Variants in GOSR2 observed in about 807,000 individuals in gnomAD.
The protein encoded by GOSR2 is golgi SNAP receptor complex member 2.
GOSR2 carries 20 observed loss-of-function variants against 27.9 expected under a neutral mutation model. The observed-to-expected ratio is 0.72, with a 90% CI of 0.50 to 1.04. The LOEUF (loss-of-function observed/expected upper bound fraction) is 1.04, where lower values mean the gene tolerates loss of function less well. Ranked by LOEUF, GOSR2 falls within the 50% of genes least tolerant of loss-of-function variation. The probability of loss-of-function intolerance (pLI) is 0.00; values close to 1 mark genes in which losing one functional copy is unlikely to be tolerated. For synonymous variants in GOSR2, 91 were observed against 98.8 expected (o/e 0.92, Z 0.47); for missense variants, 261 against 270.5 (o/e 0.97, Z 0.25).
chr17:46,961,492 G>A (rs374862807), intron 6 of GOSR2, among the ~76,000 whole-genome samples: 1 of 152,090 alleles, frequency 6.6e-6, no homozygotes, highest in South Asian at 2.1e-4. Flanking sequence ...CTATGATCAC[G>A]CCATTGCACT....
chr17:46,932,284 G>A (rs754143118), intron 4 of GOSR2, 85 bp downstream of exon 4: 2 of 1,528,504 alleles, frequency 1.3e-6, no homozygotes, highest in Admixed American at 3.3e-5. Context: ...CATCTGTTTT[G>A]GGGGTGTCTG....
chr17:46,936,570 CAT>C, intron 5 of GOSR2: 1 of 985,492 alleles, frequency 1.0e-6, no homozygotes, highest in Non-Finnish European at 1.2e-6. Context: ...TCAAAAGGAA[CAT>C]AGGAGAGGGC....
chr17:46,935,492 T>G (rs2088163670), intron 5 of GOSR2: 1 of 1,350,858 alleles, frequency 7.4e-7, no homozygotes, highest in Admixed American at 3.3e-5. Flanking sequence ...TGTTACAGAA[T>G]CTACTCTTGG....
At chr17:46,931,302 C>T (rs1433753416) in intron 3 of GOSR2, 95 bp downstream of exon 3, 13 of 750,824 alleles carry the variant, frequency 1.7e-5, no homozygotes, top group Non-Finnish European at 2.7e-5. Flanking sequence ...TGAAAACCAA[C>T]GTACATGTTG....
chr17:46,940,088 A>T lies in GOSR2; in HGVS notation c.*1328A>T. On this transcript the variant is annotated 3_prime_UTR_variant, in exon 6 of 6. Coordinates refer to ENST00000640051, the MANE Select transcript of GOSR2 (RefSeq NM_004287.5). ...TGTTGCTTGAACTGTCTTCTGTCTT[A>T]TTTCCCTTCCTTTCTGTGTTCCTCT... 8.8e-7 allele frequency: 1 copy of T among 1,131,966 alleles called. No individual in the cohort carries two copies. The allele number at this position is 1,131,966 out of a possible 1,614,324, so 70.1% of individuals were successfully genotyped here. A position where few individuals can be genotyped will look rare whatever the true frequency, so the allele number is the denominator to read the frequency against.
At chr17:46,930,286 A>G (rs938609993) in intron 2 of GOSR2, 2 of 152,356 alleles carry the variant, frequency 1.3e-5, no homozygotes, top group Non-Finnish European at 2.9e-5. Context: ...AGGAAGGGGC[A>G]GTGTCACTGC....
At chr17:46,932,272 G>T in intron 4 of GOSR2, 73 bp downstream of exon 4, 1 of 1,572,254 alleles carries the variant, frequency 6.4e-7, no homozygotes. Context: ...ATCTCTGAGC[G>T]CCATCTGTTT....
At chr17:46,974,297 C>A (rs993390123) in intron 6 of GOSR2, among the ~76,000 whole-genome samples, 3 of 152,230 alleles carry the variant, frequency 2.0e-5, no homozygotes. Flanking sequence ...GGCACAGTGC[C>A]TAGCCCACAG....
chr17:46,940,291 C>T lies in GOSR2; in HGVS notation c.*1531C>T. 2.1e-6 allele frequency: 3 copies of T among 1,437,518 alleles called. No homozygotes were observed. Among genetic ancestry groups the T allele is most frequent in the South Asian group, 1.5e-5 (1 of 67,386 alleles). The allele number at this position is 1,437,518 out of a possible 1,614,324, so 89.0% of individuals were successfully genotyped here. A position where few individuals can be genotyped will look rare whatever the true frequency, so the allele number is the denominator to read the frequency against. ...TCTCCATTGTTCCTACCCCTCCGGG[C>T]CAAATGGGCCCCAGGTTTCCAAGGA... On this transcript the variant is annotated 3_prime_UTR_variant, in exon 6 of 6. Coordinates refer to ENST00000640051, the MANE Select transcript of GOSR2 (RefSeq NM_004287.5).
intron 6 of GOSR2, among the ~76,000 whole-genome samples, chr17:46,954,197 T>A (rs2090561500): frequency 6.6e-6 from 1 of 152,260 alleles, no homozygotes; most frequent in Admixed American, 6.5e-5. Flanking sequence ...TAATCCATCT[T>A]GAATTAACTT....
At chr17:46,962,584 G>C (rs985700229) in intron 6 of GOSR2, among the ~76,000 whole-genome samples, 1 of 152,220 alleles carries the variant, frequency 6.6e-6, no homozygotes, top group Admixed American at 6.5e-5. Flanking sequence ...CTATGCTGCT[G>C]TCTAGACTGT....
chr17:46,935,606 T>G, intron 5 of GOSR2: 1 of 1,063,218 alleles, frequency 9.4e-7, no homozygotes, highest in Non-Finnish European at 1.1e-6. Flanking sequence ...TGTATTTTAG[T>G]AACTGAATCC....
intron 6 of GOSR2, among the ~76,000 whole-genome samples, chr17:46,957,739 C>G (rs1178959984): frequency 6.6e-6 from 1 of 152,168 alleles, no homozygotes; most frequent in Admixed American, 6.5e-5. Context: ...ATGGCAGCCC[C>G]AGGATGCAGT....
intron 5 of GOSR2, chr17:46,935,928 C>T: frequency 7.1e-6 from 7 of 985,736 alleles, no homozygotes; most frequent in Non-Finnish European, 8.4e-6. Context: ...ATGAAGCACT[C>T]CCAGCCACTG....
intron 6 of GOSR2, chr17:46,952,670 A>G (rs1279470881): frequency 6.6e-6 from 1 of 152,180 alleles, no homozygotes; most frequent in African/African-American, 2.4e-5. Context: ...CAGCTATGTG[A>G]GAGGCCACCT....
intron 3 of GOSR2, 155 bp downstream of exon 3, chr17:46,931,362 A>G (rs577905791): frequency 1.1e-5 from 7 of 664,046 alleles, no homozygotes; most frequent in Middle Eastern, 2.5e-4. Flanking sequence ...GCACAATTCT[A>G]TCTGAGTGAT....
At chr17:46,932,266 C>T in intron 4 of GOSR2, 67 bp downstream of exon 4, 1 of 1,582,326 alleles carries the variant, frequency 6.3e-7, no homozygotes, top group Non-Finnish European at 8.7e-7. Context: ...GTTCAGATCT[C>T]TGAGCGCCAT....
At chr17:46,931,302 C>A (rs1433753416) in intron 3 of GOSR2, 95 bp downstream of exon 3, 2 of 750,942 alleles carry the variant, frequency 2.7e-6, no homozygotes, top group Admixed American at 3.9e-5. Context: ...TGAAAACCAA[C>A]GTACATGTTG....
intron 6 of GOSR2, among the ~76,000 whole-genome samples, chr17:46,958,766 T>G (rs1051010854): frequency 6.6e-6 from 1 of 152,162 alleles, no homozygotes; most frequent in African/African-American, 2.4e-5. Flanking sequence ...TCTGGGACAT[T>G]TAAGTCTGCC....
Sources: gnomAD v4.1 joint callset for allele counts (sites outside exome capture counted in the v4.1 genomes callset) on GRCh38, gnomAD v4.1.1 for gene constraint, MANE v1.5 for transcripts, NCBI Gene and HGNC (gene_info 2026-07-23, HGNC 2026-07-21) for gene names.